Variants in FAXC observed in about 807,000 individuals in gnomAD.
FAXC encodes failed axon connections homolog, metaxin like GST domain containing.
Under a neutral mutation model 41.9 loss-of-function variants are expected in FAXC, and 10 were observed. The ratio of observed to expected loss-of-function variants is 0.24; its 90% CI spans 0.15 to 0.41. The LOEUF is 0.41. FAXC is among the 10% of genes least tolerant of loss of function. FAXC has a pLI of 1.00. For synonymous variants in FAXC, 183 were observed against 183.8 expected, an observed-to-expected ratio of 1.00 and a Z score of 0.03; for missense variants, 399 against 510.9, an observed-to-expected ratio of 0.78 and a Z score of 2.11.
intron 2 of FAXC, among the ~76,000 whole-genome samples, chr6:99,338,188 T>G (rs185777587): frequency 2.6e-5 from 4 of 152,306 alleles, no homozygotes; most frequent in Non-Finnish European, 5.9e-5. Flanking sequence ...CCATTTATTT[T>G]CCATACAGAC....
At chr6:99,314,417 T>A (rs13216244) in intron 4 of FAXC, among the ~76,000 whole-genome samples, 2 of 152,126 alleles carry the variant, frequency 1.3e-5, no homozygotes, top group South Asian at 4.1e-4. Context: ...CTACAAAAAA[T>A]ACAAAAATTA....
intron 1 of FAXC, among the ~76,000 whole-genome samples, chr6:99,348,472 C>G (rs966715340): frequency 5.9e-5 from 9 of 152,160 alleles, no homozygotes; most frequent in African/African-American, 2.2e-4. Flanking sequence ...CCGTGTTGTG[C>G]CCAACACACC....
Position 99,278,270 on chromosome 6 carries a change from G to C in FAXC, c.*2894C>G. Reference sequence around the variant, plus strand: ...ATGGAGAGTAAAGCTCAATGATTCTGCTCATTAATCTTGTTGAGTGGGGGT... The same window carrying C: ...ATGGAGAGTAAAGCTCAATGATTCTCCTCATTAATCTTGTTGAGTGGGGGT... On this transcript the variant is annotated 3_prime_UTR_variant, in exon 6 of 6. Coordinates refer to ENST00000389677, the MANE Select transcript of FAXC (RefSeq NM_032511.4). 6.6e-6 allele frequency: 1 copy of C among 152,180 alleles called. No homozygotes were observed. Among genetic ancestry groups the C allele is most frequent in the Admixed American group, 6.6e-5 (1 of 15,264 alleles). The allele number at this position is 152,180 out of a possible 1,614,324, so 9.4% of individuals were successfully genotyped here.
intron 1 of FAXC, among the ~76,000 whole-genome samples, chr6:99,346,501 C>T (rs1773597161): frequency 6.6e-6 from 1 of 152,198 alleles, no homozygotes; most frequent in African/African-American, 2.4e-5. Flanking sequence ...ATTCTCCTGC[C>T]TCAGCTCCCC....
intron 4 of FAXC, among the ~76,000 whole-genome samples, chr6:99,305,462 T>C (rs1694561733): frequency 6.6e-6 from 1 of 152,154 alleles, no homozygotes; most frequent in African/African-American, 2.4e-5. Context: ...TTATTAGTCA[T>C]GATCTCAGGT....
intron 3 of FAXC, among the ~76,000 whole-genome samples, chr6:99,328,209 G>A (rs984719223): frequency 2.6e-5 from 4 of 152,128 alleles, no homozygotes; most frequent in African/African-American, 9.7e-5. Context: ...TAGACTGAAC[G>A]TTCATGTCCC....
intron 4 of FAXC, among the ~76,000 whole-genome samples, chr6:99,301,165 C>A (rs560344732): frequency 6.6e-6 from 1 of 152,232 alleles, no homozygotes; most frequent in African/African-American, 2.4e-5. Flanking sequence ...TCTCTAGGCA[C>A]GGATCCCTTA....
chr6:99,336,813 T>C (rs567537503), intron 2 of FAXC, among the ~76,000 whole-genome samples: 1 of 152,282 alleles, frequency 6.6e-6, no homozygotes, highest in East Asian at 1.9e-4. Context: ...AGAAGTATTT[T>C]GAAGAACTTG....
chr6:99,324,881 C>G (rs1212557759), intron 3 of FAXC, among the ~76,000 whole-genome samples: 2 of 152,030 alleles, frequency 1.3e-5, no homozygotes, highest in East Asian at 3.9e-4. Flanking sequence ...GCAGTAATGG[C>G]CACTTCAAAA....
At chr6:99,344,094 C>G (rs994126522) in intron 1 of FAXC, among the ~76,000 whole-genome samples, 2 of 152,178 alleles carry the variant, frequency 1.3e-5, no homozygotes, top group Admixed American at 6.5e-5. Flanking sequence ...GCCTAGATCT[C>G]TCCACCATCT....
intron 5 of FAXC, among the ~76,000 whole-genome samples, chr6:99,288,465 G>A (rs1771104128): frequency 6.6e-6 from 1 of 152,070 alleles, no homozygotes; most frequent in African/African-American, 2.4e-5. Context: ...ACAGAGAATG[G>A]ATATAAAACA....
At position 99,323,777 on chromosome 6, in the gene FAXC, T is replaced by C. The variant is rs1437700437; in HGVS notation, c.600-110A>G. 3 of 774,146 alleles carry C rather than the reference T, an allele frequency of 3.9e-6. No individual in the cohort carries two copies. The African/African-American group carries it at 5.2e-5, about 13-fold the overall frequency. 48.0% of individuals were successfully genotyped at this position (774,146 alleles called of 1,614,324 possible). On this transcript the variant is annotated intron_variant, in intron 3 of 5. Transcript: ENST00000389677. ...TTTACTACACTCTGGAGGAACTGAATAACTGCAGCTTTAATAAAGAGCAAT... is the reference window on the plus strand; with the variant it reads ...TTTACTACACTCTGGAGGAACTGAACAACTGCAGCTTTAATAAAGAGCAAT...
At chr6:99,283,737 G>T (rs906446923) in intron 5 of FAXC, among the ~76,000 whole-genome samples, 1 of 151,970 alleles carries the variant, frequency 6.6e-6, no homozygotes, top group Non-Finnish European at 1.5e-5. Context: ...AAAGATGTGA[G>T]GGCAGCAGCA....
At chr6:99,316,157 G>GT in intron 4 of FAXC, among the ~76,000 whole-genome samples, 1 of 146,384 alleles carries the variant, frequency 6.8e-6, no homozygotes, top group East Asian at 2.2e-4. Flanking sequence ...TAACCCACTC[G>GT]CCCCCCCCCA....
Position 99,323,570 on chromosome 6 carries a change from C to T in FAXC, c.697G>A (p.Val233Ile), listed in dbSNP as rs569208755. The T allele has an allele frequency of 6.2e-7, 1 of 1,614,228 alleles. No homozygotes were observed. The highest frequency in any genetic ancestry group is 2.2e-5 in the East Asian group (1 of 44,886). The change falls in exon 4 of 6, where the codon GTT becomes ATT. Residue 233 changes from valine (V) to isoleucine (I), a missense_variant. Coordinates refer to ENST00000389677, the MANE Select transcript of FAXC (RefSeq NM_032511.4). ...ATTCCTTTCGTTATGTGGCACACAA[C>T]CCACCTCAGCAGGTTGCTGAAGGGA... The part of the protein sequence containing the change: ...GGPFSNLLRW[V>I]VCHITKGIVK...
At chr6:99,302,948 T>C (rs1287054823) in intron 4 of FAXC, among the ~76,000 whole-genome samples, 3 of 152,218 alleles carry the variant, frequency 2.0e-5, no homozygotes, top group Admixed American at 2.0e-4. Flanking sequence ...GATTGTAAAG[T>C]TGTTCATTGT....
At chr6:99,337,791 C>CT (rs1012568206) in intron 2 of FAXC, among the ~76,000 whole-genome samples, 2 of 152,228 alleles carry the variant, frequency 1.3e-5, no homozygotes, top group Admixed American at 6.5e-5. Context: ...ATACATTGAG[C>CT]TTTTTTTAAA....
At chr6:99,318,200 A>T (rs1300408231) in intron 4 of FAXC, among the ~76,000 whole-genome samples, 1 of 150,320 alleles carries the variant, frequency 6.7e-6, no homozygotes, top group Non-Finnish European at 1.5e-5. Context: ...CGGAGCTTGC[A>T]GTGAGCCAAG....
chr6:99,344,346 T>A (rs1773522920), intron 1 of FAXC, among the ~76,000 whole-genome samples: 1 of 152,128 alleles, frequency 6.6e-6, no homozygotes, highest in South Asian at 2.1e-4. Flanking sequence ...TCTAGTCAGA[T>A]AAACTTCACT....
Sources: gnomAD v4.1 joint callset for allele counts (sites outside exome capture counted in the v4.1 genomes callset) on GRCh38, gnomAD v4.1.1 for gene constraint, MANE v1.5 for transcripts, NCBI Gene and HGNC (gene_info 2026-07-23, HGNC 2026-07-21) for gene names.